KLF8: variants seen among roughly 807,000 people sequenced by gnomAD.
KLF8 encodes the protein Krueppel-like factor 8.
In KLF8, 10 loss-of-function variants were observed where a neutral mutation model predicts 18.2. The ratio of observed to expected loss-of-function variants is 0.55; its 90% confidence interval spans 0.34 to 0.93. KLF8 has a LOEUF of 0.93. KLF8 is among the 40% of genes least tolerant of loss of function. The pLI, the probability that KLF8 is intolerant of heterozygous loss-of-function variation, is 0.02. For missense variants in KLF8, 264 were observed against 277.9 expected, an observed-to-expected ratio of 0.95 and a Z score of 0.36; for synonymous variants, 109 against 97.3, an observed-to-expected ratio of 1.12 and a Z score of -0.71.
chrX:56,236,969 A>ATC (rs1285532999), intron 1 of KLF8, among the ~76,000 whole-genome samples: 1 of 105,592 alleles, frequency 9.5e-6, no homozygotes, highest in Non-Finnish European at 1.9e-5. Context: ...ATGGATATAT[A>ATC]TATATATATA....
chrX:56,052,659 T>C, the KLF8 span, among the ~76,000 whole-genome samples: 1 of 111,918 alleles, frequency 8.9e-6, no homozygotes, highest in Non-Finnish European at 1.9e-5. Context: ...GGAGAACCAC[T>C]GCTCTCTTCA....
At chrX:56,168,804 A>T in the KLF8 span, among the ~76,000 whole-genome samples, 2 of 111,104 alleles carry the variant, frequency 1.8e-5, no homozygotes, top group Admixed American at 9.6e-5. Flanking sequence ...AGCTTCATCC[A>T]TGTCCCTACA....
the KLF8 span, among the ~76,000 whole-genome samples, chrX:56,169,083 G>A: frequency 9.0e-5 from 10 of 111,261 alleles, no homozygotes; most frequent in East Asian, 2.8e-4. Context: ...ATTTGTAGCC[G>A]CACTCTGTGC....
the KLF8 span, among the ~76,000 whole-genome samples, chrX:56,202,565 C>CT: frequency 2.1e-5 from 2 of 94,228 alleles, no homozygotes; most frequent in African/African-American, 3.8e-5. Context: ...ACCTTCCCCC[C>CT]CCCTCCCACC....
At chrX:56,119,240 A>G in the KLF8 span, among the ~76,000 whole-genome samples, 4 of 110,578 alleles carry the variant, frequency 3.6e-5, no homozygotes, top group African/African-American at 1.3e-4. Context: ...TTCCTTTGCT[A>G]AAGTGGGAAA....
At chrX:56,243,746 G>T (rs1367169099) in intron 1 of KLF8, among the ~76,000 whole-genome samples, 3 of 109,092 alleles carry the variant, frequency 2.7e-5, no homozygotes, top group Non-Finnish European at 5.7e-5. Context: ...ATGTTGGCCA[G>T]GATGGTCTCG....
chrX:56,121,142 C>T, the KLF8 span, among the ~76,000 whole-genome samples: 6 of 103,314 alleles, frequency 5.8e-5, no homozygotes, highest in East Asian at 1.2e-3. Flanking sequence ...GCCGAGATCC[C>T]GCCACTGCAC....
chrX:56,227,711 G>A (rs2066378502), upstream of KLF8, among the ~76,000 whole-genome samples: 1 of 111,486 alleles, frequency 9.0e-6, no homozygotes, highest in Non-Finnish European at 1.9e-5. Context: ...TTGGGGACAA[G>A]GCCAAGGATG....
rs1479125129 is a variant in KLF8, at chrX:56,287,291, C to T, written c.*2797C>T. ...AAAAATGATAAAAGCTTTCCAATTA[C>T]TTACATATGCTCTAACAAGTGTCTC... On this transcript the variant is annotated 3_prime_UTR_variant, in exon 6 of 6. Transcript: ENST00000468660. 1 of 112,010 alleles carries T rather than the reference C, an allele frequency of 8.9e-6. No homozygotes were observed. Among genetic ancestry groups the T allele is most frequent in the East Asian group, 2.8e-4 (1 of 3,603 alleles). 9.2% of individuals were successfully genotyped at this position (112,010 alleles called of 1,213,427 possible).
In KLF8 at chrX:56,233,314, C is replaced by G. The variant is rs764705539; in HGVS notation, c.-21C>G. Reference sequence around the variant, plus strand: ...AGGACGGCATGAGTTCTGGACACTTCAGGAGTCCTCAGCTAGTGACATGGT... The same window carrying G: ...AGGACGGCATGAGTTCTGGACACTTGAGGAGTCCTCAGCTAGTGACATGGT... On this transcript the variant is annotated 5_prime_UTR_variant, in exon 1 of 6. Coordinates refer to ENST00000468660, the MANE Select transcript of KLF8 (RefSeq NM_007250.5). 4 of 1,201,790 alleles carry G rather than the reference C, an allele frequency of 3.3e-6. No homozygotes were observed. The African/African-American group carries it at 7.0e-5, about 21-fold the overall frequency.
At chrX:56,183,543 C>T in the KLF8 span, among the ~76,000 whole-genome samples, 2 of 111,421 alleles carry the variant, frequency 1.8e-5, no homozygotes, top group Non-Finnish European at 3.8e-5. Context: ...ATCTTCTGTG[C>T]CACTCATGCT....
chrX:56,018,289 T>A, the KLF8 span, among the ~76,000 whole-genome samples: 1 of 111,332 alleles, frequency 9.0e-6, no homozygotes. Context: ...CATGCATTTG[T>A]CTCTCGGTGC....
the KLF8 span, among the ~76,000 whole-genome samples, chrX:56,090,640 T>C: frequency 8.9e-6 from 1 of 111,786 alleles, no homozygotes; most frequent in African/African-American, 3.3e-5. Flanking sequence ...ATTCATGTTT[T>C]TGGCTCACTT....
chrX:56,022,893 G>A, the KLF8 span, among the ~76,000 whole-genome samples: 1 of 111,225 alleles, frequency 9.0e-6, no homozygotes, highest in East Asian at 2.8e-4. Flanking sequence ...GGAGCCATTT[G>A]TCAGAAATAA....
the KLF8 span, among the ~76,000 whole-genome samples, chrX:56,059,952 C>A: frequency 2.7e-5 from 3 of 111,732 alleles, no homozygotes; most frequent in East Asian, 8.4e-4. Context: ...GCAATATGGC[C>A]ATTTTCATGA....
chrX:55,942,068 G>A, the KLF8 span, among the ~76,000 whole-genome samples: 4 of 111,554 alleles, frequency 3.6e-5, no homozygotes, highest in East Asian at 2.8e-4. Context: ...ACATGCACAC[G>A]TATGTTGATT....
At chrX:55,943,748 A>C in the KLF8 span, among the ~76,000 whole-genome samples, 1 of 112,016 alleles carries the variant, frequency 8.9e-6, no homozygotes, top group African/African-American at 3.2e-5. Flanking sequence ...TGCATTCTAA[A>C]TGGCTGTAAT....
chrX:56,092,730 T>C, the KLF8 span, among the ~76,000 whole-genome samples: 6 of 111,006 alleles, frequency 5.4e-5, no homozygotes, highest in Admixed American at 1.9e-4. Flanking sequence ...CTTTTTTTTT[T>C]TCTTAGAATT....
chrX:56,259,252 T>C (rs766770318), intron 2 of KLF8, among the ~76,000 whole-genome samples: 36 of 111,219 alleles, frequency 3.2e-4, no homozygotes, highest in African/African-American at 1.1e-3. Context: ...CAAGAAACTT[T>C]ACCCCTAAAT....
Sources: allele counts gnomAD v4.1 joint callset (sites outside exome capture counted in the v4.1 genomes callset), GRCh38; gene constraint gnomAD v4.1.1; transcripts MANE v1.5; gene names NCBI Gene and HGNC (gene_info 2026-07-23, HGNC 2026-07-21).